Variants in FYB1 observed in about 807,000 individuals in gnomAD.
FYB1 encodes the protein FYN-binding protein 1.
A neutral mutation model predicts 94.1 loss-of-function variants in FYB1; 41 were observed. The observed-to-expected ratio is 0.44, with a 90% CI of 0.34 to 0.57. The LOEUF (loss-of-function observed/expected upper bound fraction) is 0.57. FYB1 is among the 20% of genes least tolerant of loss of function. The pLI, the probability that FYB1 is intolerant of heterozygous loss-of-function variation, is 0.02. For missense variants in FYB1, 1,050 were observed against 976.8 expected (o/e 1.07, Z -1.00); for synonymous variants, 367 against 353.2 (o/e 1.04, Z -0.44).
intron 3 of FYB1, among the ~76,000 whole-genome samples, chr5:39,149,143 C>T (rs1271719538): frequency 6.6e-6 from 1 of 152,124 alleles, no homozygotes; most frequent in Non-Finnish European, 1.5e-5. Context: ...ATAACTTTGG[C>T]CTCAACTACT....
chr5:39,192,690 T>A (rs770668363), intron 2 of FYB1, among the ~76,000 whole-genome samples: 9 of 152,226 alleles, frequency 5.9e-5, no homozygotes, highest in Non-Finnish European at 1.2e-4. Context: ...AGGGTGAGGA[T>A]AACTATATTA....
chr5:39,161,601 T>A (rs919347934), intron 2 of FYB1, among the ~76,000 whole-genome samples: 1 of 152,020 alleles, frequency 6.6e-6, no homozygotes, highest in African/African-American at 2.4e-5. Flanking sequence ...TTTTTTTTTT[T>A]AAATGACAGT....
chr5:39,140,412 A>G (rs1742067060), intron 4 of FYB1, among the ~76,000 whole-genome samples: 1 of 152,228 alleles, frequency 6.6e-6, no homozygotes, highest in African/African-American at 2.4e-5. Flanking sequence ...AGAGATATAG[A>G]AATTAAAAGG....
At chr5:39,135,085 G>T (rs1741564399) in intron 7 of FYB1, 71 bp from the exon 8 acceptor site, 1 of 1,527,928 alleles carries the variant, frequency 6.5e-7, no homozygotes, top group South Asian at 1.2e-5. Context: ...ATGCAATTTT[G>T]AAAGATATAA....
chr5:39,201,286 C>CATTGTAGGATGT (rs1251613080), intron 2 of FYB1, among the ~76,000 whole-genome samples: 1 of 152,126 alleles, frequency 6.6e-6, no homozygotes, highest in Non-Finnish European at 1.5e-5. Flanking sequence ...TGTTGTGGGA[C>CATTGTAGGATGT]TGTCCTGGCC....
chr5:39,197,306 C>T (rs1747921447), intron 2 of FYB1, among the ~76,000 whole-genome samples: 1 of 152,144 alleles, frequency 6.6e-6, no homozygotes, highest in South Asian at 2.1e-4. Context: ...AATCTCTCTT[C>T]TTTCCCATTT....
chr5:39,225,402 A>G lies in FYB1; in HGVS notation c.-27-22415T>C, dbSNP rs570514093. Among the ~76,000 whole-genome samples, 51 of 152,316 alleles carry G rather than the reference A, an allele frequency of 3.3e-4. No individual in the cohort carries two copies. The South Asian group carries it at 9.8e-3, about 29-fold the overall frequency. On this transcript the variant is annotated intron_variant, in intron 1 of 1. Coordinates refer to the FYB1 transcript ENST00000510188. Reference sequence around the variant, plus strand: ...ATGGCCAACTAACATCTAAGTAAAGACTTTCCCAATCAGATACTGCCAACT... The same window carrying G: ...ATGGCCAACTAACATCTAAGTAAAGGCTTTCCCAATCAGATACTGCCAACT...
At chr5:39,270,767 C>T in intron 1 of FYB1, 1 of 461,408 alleles carries the variant, frequency 2.2e-6, no homozygotes. Context: ...TATAGCTGGC[C>T]AGGTTTATCT....
chr5:39,262,466 G>T (rs1018925447), intron 1 of FYB1, among the ~76,000 whole-genome samples: 17 of 152,168 alleles, frequency 1.1e-4, no homozygotes, highest in Non-Finnish European at 2.5e-4. Flanking sequence ...GTAACAAATT[G>T]TCAAAACTCT....
intron 16 of FYB1, among the ~76,000 whole-genome samples, chr5:39,111,768 A>G (rs1456590367): frequency 1.3e-5 from 2 of 152,008 alleles, no homozygotes; most frequent in Non-Finnish European, 2.9e-5. Context: ...AGAAGTAGGA[A>G]AAGTAATGAA....
chr5:39,226,861 A>C (rs1750493265), intron 1 of FYB1, among the ~76,000 whole-genome samples: 1 of 152,238 alleles, frequency 6.6e-6, no homozygotes, highest in Admixed American at 6.5e-5. Context: ...AGTTTAGTGC[A>C]GCATCAGGTG....
chr5:39,115,195 A>T (rs1739420707), intron 16 of FYB1, among the ~76,000 whole-genome samples: 1 of 151,744 alleles, frequency 6.6e-6, no homozygotes, highest in Non-Finnish European at 1.5e-5. Flanking sequence ...TCCTGGGTTC[A>T]AACAATTCTC....
intron 1 of FYB1, chr5:39,208,821 A>T (rs546156166): frequency 6.6e-6 from 1 of 152,340 alleles, no homozygotes; most frequent in Non-Finnish European, 1.5e-5. Context: ...TAACAAAAAG[A>T]CTGAGGAGAC....
intron 3 of FYB1, among the ~76,000 whole-genome samples, chr5:39,143,194 T>A (rs1195396833): frequency 6.6e-6 from 1 of 152,136 alleles, no homozygotes; most frequent in African/African-American, 2.4e-5. Context: ...CTACAGCCAG[T>A]TCTGTATTAT....
chr5:39,134,743 C>G (rs1023936324), intron 8 of FYB1, 112 bp downstream of exon 8: 2 of 1,098,442 alleles, frequency 1.8e-6, no homozygotes, highest in Admixed American at 4.9e-5. Context: ...CCTTTGTCCA[C>G]TCTGTAAAGT....
At chr5:39,238,355 T>C (rs1198680086) in intron 1 of FYB1, among the ~76,000 whole-genome samples, 1 of 151,934 alleles carries the variant, frequency 6.6e-6, no homozygotes, top group Non-Finnish European at 1.5e-5. Context: ...GCATTATATT[T>C]TTTTAGGTGA....
chr5:39,184,674 A>T (rs1746581636), intron 2 of FYB1, among the ~76,000 whole-genome samples: 1 of 152,186 alleles, frequency 6.6e-6, no homozygotes, highest in Non-Finnish European at 1.5e-5. Flanking sequence ...TTGAATCAAG[A>T]TGCTGAAGTA....
intron 1 of FYB1, among the ~76,000 whole-genome samples, chr5:39,273,572 A>G (rs1043118701): frequency 6.6e-6 from 1 of 152,238 alleles, no homozygotes; most frequent in African/African-American, 2.4e-5. Context: ...ATGTTTTCGC[A>G]GTATGGGCAC....
intron 1 of FYB1, among the ~76,000 whole-genome samples, chr5:39,242,896 C>G (rs10052715): frequency 5.9e-5 from 9 of 151,884 alleles, no homozygotes; most frequent in Non-Finnish European, 1.2e-4. Context: ...GCCAGTGATG[C>G]TGAGCATTTT....
Sources: allele counts gnomAD v4.1 joint callset (sites outside exome capture counted in the v4.1 genomes callset), GRCh38; gene constraint gnomAD v4.1.1; transcripts MANE v1.5; gene names NCBI Gene and HGNC (gene_info 2026-07-23, HGNC 2026-07-21).